The following DSCAML1 variants were observed in gnomAD, a reference collection of about 807,000 sequenced individuals.
The protein encoded by DSCAML1 is cell adhesion molecule DSCAML1.
In DSCAML1, 38 loss-of-function variants were observed where a neutral mutation model predicts 200.5. The ratio of observed to expected loss-of-function variants is 0.19; its 90% CI spans 0.15 to 0.25. DSCAML1 has a LOEUF of 0.25. Ranked by LOEUF, DSCAML1 falls within the 10% of genes least tolerant of loss-of-function variation. DSCAML1 has a pLI of 1.00. For missense variants in DSCAML1, 2,223 were observed against 2,858.8 expected, an observed-to-expected ratio of 0.78 and a Z score of 5.07; for synonymous variants, 1,215 against 1,165.0, an observed-to-expected ratio of 1.04 and a Z score of -0.87.
At chr11:117,446,889 A>G (rs1214639421) in intron 20 of DSCAML1, among the ~76,000 whole-genome samples, 2 of 152,232 alleles carry the variant, frequency 1.3e-5, no homozygotes, top group Admixed American at 6.5e-5. Flanking sequence ...TCTGTGAAGG[A>G]TGTTCATTGA....
intron 3 of DSCAML1, among the ~76,000 whole-genome samples, chr11:117,655,683 C>G (rs976235837): frequency 6.6e-6 from 1 of 152,136 alleles, no homozygotes; most frequent in Non-Finnish European, 1.5e-5. Flanking sequence ...CCCTAGTGTC[C>G]GTGGAAGTTG....
At chr11:117,670,604 G>A (rs1310726365) in intron 3 of DSCAML1, among the ~76,000 whole-genome samples, 2 of 152,052 alleles carry the variant, frequency 1.3e-5, no homozygotes, top group Admixed American at 6.6e-5. Flanking sequence ...TGACGGGAGG[G>A]GTCAGCTGAG....
intron 3 of DSCAML1, among the ~76,000 whole-genome samples, chr11:117,764,161 C>T (rs1020848918): frequency 1.2e-4 from 19 of 152,232 alleles, no homozygotes; most frequent in Non-Finnish European, 7.4e-5. Flanking sequence ...GCTCATGAAA[C>T]AGTGGTTCAT....
intron 3 of DSCAML1, among the ~76,000 whole-genome samples, chr11:117,754,055 T>C (rs1299106694): frequency 6.6e-6 from 1 of 152,194 alleles, no homozygotes; most frequent in Non-Finnish European, 1.5e-5. Flanking sequence ...GAAAAGATCC[T>C]GGGGTCCTTT....
intron 1 of DSCAML1, among the ~76,000 whole-genome samples, chr11:117,787,502 C>A (rs2055379853): frequency 6.6e-6 from 1 of 152,144 alleles, no homozygotes; most frequent in Non-Finnish European, 1.5e-5. Context: ...AAATGCAGAG[C>A]CTTAGATAAC....
chr11:117,633,690 C>A (rs952730453), intron 3 of DSCAML1, among the ~76,000 whole-genome samples: 1 of 152,176 alleles, frequency 6.6e-6, no homozygotes, highest in Non-Finnish European at 1.5e-5. Flanking sequence ...CAAAAATAAT[C>A]AAAGTGCAAA....
chr11:117,744,450 T>C (rs2054479483), intron 3 of DSCAML1, among the ~76,000 whole-genome samples: 1 of 152,254 alleles, frequency 6.6e-6, no homozygotes, highest in Admixed American at 6.5e-5. Flanking sequence ...TGAGGCCTCA[T>C]GGATACGCAT....
At position 117,533,652 on chromosome 11, in the gene DSCAML1, G is replaced by C. The variant is rs149087821; in HGVS notation, c.512-1130C>G. On this transcript the variant is annotated intron_variant, in intron 3 of 32. Coordinates refer to ENST00000651296, the MANE Select transcript of DSCAML1 (RefSeq NM_020693.4). ...TTGGGACCTAGCAGGAGAGCAGGAA[G>C]CACAGGTGGCAGCGTGCCCACTTTG... 1.4e-4 allele frequency among the ~76,000 whole-genome samples: 21 copies of C among 152,320 alleles called. No homozygotes were observed. The East Asian group carries it at 2.5e-3, about 18-fold the overall frequency.
At chr11:117,758,830 G>A (rs539602671) in intron 3 of DSCAML1, among the ~76,000 whole-genome samples, 2 of 152,200 alleles carry the variant, frequency 1.3e-5, no homozygotes, top group South Asian at 2.1e-4. Context: ...CTACCTGCAC[G>A]AGCAGCATGT....
rs746475317 is a variant in DSCAML1 at position 117,428,280 on chromosome 11, G to A, written c.*48C>T. 25 of 1,071,226 alleles carry A rather than the reference G, an allele frequency of 2.3e-5. No homozygotes were observed. In the East Asian group the frequency reaches 4.1e-4, roughly 17 times the overall value. 66.4% of individuals were successfully genotyped at this position (1,071,226 alleles called of 1,614,324 possible). A position where few individuals can be genotyped will look rare whatever the true frequency, so the allele number is the denominator to read the frequency against. On this transcript the variant is annotated 3_prime_UTR_variant, in exon 33 of 33. Coordinates refer to ENST00000651296, the MANE Select transcript of DSCAML1 (RefSeq NM_020693.4). ...AGAAAAACAGCCGAGCTGGCGTGTG[G>A]GGCTGCGGCGCGGCGCGGTCCAGGC...
chr11:117,779,203 TTAAGTTGAAAAGCTCTTC>T (rs2055187552), intron 2 of DSCAML1, among the ~76,000 whole-genome samples: 2 of 152,248 alleles, frequency 1.3e-5, no homozygotes, highest in East Asian at 3.9e-4. Flanking sequence ...GGCTGGGTCT[TTAAGTTGAAAAGCTCTTC>T]TAAGTTGAAA....
chr11:117,453,135 A>G (rs1347359111), intron 19 of DSCAML1, among the ~76,000 whole-genome samples: 1 of 152,118 alleles, frequency 6.6e-6, no homozygotes, highest in Non-Finnish European at 1.5e-5. Flanking sequence ...GGGTTTCACC[A>G]TGTTGGCCAG....
chr11:117,805,230 T>G (rs2055699464), intron 1 of DSCAML1, among the ~76,000 whole-genome samples: 1 of 152,212 alleles, frequency 6.6e-6, no homozygotes, highest in African/African-American at 2.4e-5. Flanking sequence ...CAAATGGCAC[T>G]TACTTACACA....
At chr11:117,574,474 T>C (rs1370712212) in intron 3 of DSCAML1, among the ~76,000 whole-genome samples, 1 of 152,232 alleles carries the variant, frequency 6.6e-6, no homozygotes. Context: ...ACCTACTCTC[T>C]GCTCTTAGGC....
chr11:117,622,540 C>T (rs1220792532), intron 3 of DSCAML1, among the ~76,000 whole-genome samples: 2 of 152,184 alleles, frequency 1.3e-5, no homozygotes, highest in Admixed American at 1.3e-4. Context: ...TCTCCGCAGG[C>T]TCACATGGAC....
intron 3 of DSCAML1, among the ~76,000 whole-genome samples, chr11:117,645,840 T>C (rs955569829): frequency 6.6e-6 from 1 of 151,974 alleles, no homozygotes; most frequent in East Asian, 1.9e-4. Context: ...GCATGGCACA[T>C]GTATACATAT....
intron 24 of DSCAML1, 71 bp from the exon 25 acceptor site, chr11:117,438,154 C>T (rs2047960706): frequency 6.9e-7 from 1 of 1,456,212 alleles, no homozygotes; most frequent in Non-Finnish European, 9.3e-7. Flanking sequence ...CCTCAGGTAC[C>T]CCAACAGGGG....
rs945469818 is a variant in DSCAML1 at position 117,505,381 on chromosome 11, A to G, written c.2062+73T>C. The G allele has an allele frequency of 6.4e-7, 1 of 1,556,802 alleles. No homozygotes were observed. The highest frequency in any genetic ancestry group is 8.7e-7 in the Non-Finnish European group (1 of 1,153,792). On this transcript the variant is annotated intron_variant, in intron 9 of 32. Transcript: ENST00000651296. This position sits in a 1 kb window ranked among gnomAD's most constrained non-coding sequence, Gnocchi z 6.7. ...TCCATGAGCCCGTGATTGGAACTGGAAATCTAGAGACTGCAGTAGCAGCAG... is the reference window on the plus strand; with the variant it reads ...TCCATGAGCCCGTGATTGGAACTGGGAATCTAGAGACTGCAGTAGCAGCAG...
chr11:117,587,545 C>T (rs937922874), intron 3 of DSCAML1, among the ~76,000 whole-genome samples: 2 of 152,136 alleles, frequency 1.3e-5, no homozygotes, highest in African/African-American at 2.4e-5. Context: ...AGACTCCAGA[C>T]GCGGGGACTG....
Sources: gnomAD v4.1 joint callset for allele counts (sites outside exome capture counted in the v4.1 genomes callset) on GRCh38, gnomAD v4.1.1 for gene constraint, Gnocchi (gnomAD v3.1) non-coding constraint, MANE v1.5 for transcripts, NCBI Gene and HGNC (gene_info 2026-07-23, HGNC 2026-07-21) for gene names.